The following MTA3 variants were observed in gnomAD, a reference collection of about 807,000 sequenced individuals.
MTA3 encodes the protein metastasis-associated protein MTA3.
Under a neutral mutation model 83.5 loss-of-function variants are expected in MTA3, and 34 were observed. The observed-to-expected ratio is 0.41, with a 90% confidence interval of 0.31 to 0.54. The LOEUF (loss-of-function observed/expected upper bound fraction) is 0.54. Ranked by LOEUF, MTA3 falls within the 20% of genes least tolerant of loss-of-function variation. MTA3 has a pLI of 0.33. For synonymous variants in MTA3, 303 were observed against 252.7 expected (o/e 1.20, Z -1.89); for missense variants, 761 against 726.4 (o/e 1.05, Z -0.55).
intron 8 of MTA3, among the ~76,000 whole-genome samples, chr2:42,676,813 T>A (rs1188796581): frequency 6.6e-6 from 1 of 152,210 alleles, no homozygotes; most frequent in East Asian, 1.9e-4. Context: ...TTAGCATTTT[T>A]GAGTATCTTT....
chr2:42,533,609 G>A (rs1450269765), intron 2 of MTA3, among the ~76,000 whole-genome samples: 2 of 148,574 alleles, frequency 1.3e-5, no homozygotes, highest in African/African-American at 2.5e-5. Context: ...CGAGGTGGGC[G>A]GATCACGAGG....
chr2:42,699,985 G>A (rs889235217), intron 11 of MTA3, among the ~76,000 whole-genome samples: 1 of 152,100 alleles, frequency 6.6e-6, no homozygotes, highest in African/African-American at 2.4e-5. Context: ...TAAAATGATA[G>A]CTAGGCGAGT....
In MTA3 at chr2:42,753,705, G is replaced by A. The variant is rs771840155; in HGVS notation, c.*306G>A. ...CACCTCCTCCCTTCTGCAGCGCCCTGCGCCCCACCCAGCAACAGCGGCCAC... is the reference window on the plus strand; with the variant it reads ...CACCTCCTCCCTTCTGCAGCGCCCTACGCCCCACCCAGCAACAGCGGCCAC... On this transcript the variant is annotated 3_prime_UTR_variant, in exon 17 of 17. Transcript: ENST00000405094. 9 of 1,214,710 alleles carry A rather than the reference G, an allele frequency of 7.4e-6. No individual in the cohort carries two copies. The highest frequency in any genetic ancestry group is 9.3e-6 in the Non-Finnish European group (9 of 967,018). The allele number at this position is 1,214,710 out of a possible 1,614,324, so 75.2% of individuals were successfully genotyped here. A position where few individuals can be genotyped will look rare whatever the true frequency, so the allele number is the denominator to read the frequency against.
chr2:42,608,884 G>A (rs1287227546), intron 3 of MTA3, among the ~76,000 whole-genome samples: 8 of 151,322 alleles, frequency 5.3e-5, no homozygotes, highest in Non-Finnish European at 8.8e-5. Flanking sequence ...CTCTATCTCC[G>A]AAAAAAAAGT....
At chr2:42,610,432 G>C (rs1180866522) in intron 4 of MTA3, among the ~76,000 whole-genome samples, 1 of 152,144 alleles carries the variant, frequency 6.6e-6, no homozygotes, top group African/African-American at 2.4e-5. Flanking sequence ...GAAAAAAGGT[G>C]ACTGATTTGG....
chr2:42,568,941 C>A (rs1370467765), intron 1 of MTA3, among the ~76,000 whole-genome samples, 168 bp downstream of exon 1: 3 of 147,960 alleles, frequency 2.0e-5, no homozygotes, highest in Non-Finnish European at 3.0e-5. Context: ...CCCCACCCAT[C>A]CCTTCCCCTC....
At chr2:42,584,557 T>G (rs1680043806) in intron 3 of MTA3, among the ~76,000 whole-genome samples, 1 of 152,132 alleles carries the variant, frequency 6.6e-6, no homozygotes, top group African/African-American at 2.4e-5. Context: ...TTTTTTTTTT[T>G]TGGGATGGAG....
Position 42,631,721 on chromosome 2 carries a change from C to T in MTA3, c.318-8452C>T, listed in dbSNP as rs536254937. Among the ~76,000 whole-genome samples the T allele has an allele frequency of 1.6e-4, 24 of 152,126 alleles. No homozygotes were observed. The South Asian group carries it at 1.7e-3, about 11-fold the overall frequency. On this transcript the variant is annotated intron_variant, in intron 4 of 16. Coordinates refer to ENST00000405094, the MANE Select transcript of MTA3 (RefSeq NM_001330442.2). Reference sequence around the variant, plus strand: ...TTATTATTTTTTGAGACGGAGTCTCCCTTAGTGACCCAGGCTGGAGTGCAG... The same window carrying T: ...TTATTATTTTTTGAGACGGAGTCTCTCTTAGTGACCCAGGCTGGAGTGCAG...
Position 42,597,599 on chromosome 2 carries a change from T to G in MTA3, c.191-11859T>G, listed in dbSNP as rs574695556. ...TGGGGTTTCACCATGTTGGCCAGGCTGGTCTCAAACTCCTGACCTTGTGAT... is the reference window on the plus strand; with the variant it reads ...TGGGGTTTCACCATGTTGGCCAGGCGGGTCTCAAACTCCTGACCTTGTGAT... On this transcript the variant is annotated intron_variant, in intron 3 of 16. Coordinates refer to ENST00000405094, the MANE Select transcript of MTA3 (RefSeq NM_001330442.2). Among the ~76,000 whole-genome samples the G allele has an allele frequency of 4.6e-5, 7 of 151,876 alleles. No homozygotes were observed. In the East Asian group the frequency reaches 1.4e-3, roughly 29 times the overall value.
chr2:42,565,968 C>T (rs1677892864), upstream of MTA3, among the ~76,000 whole-genome samples: 1 of 152,132 alleles, frequency 6.6e-6, no homozygotes, highest in Non-Finnish European at 1.5e-5. Context: ...CGAATCGTGC[C>T]ATTGCACTCC....
intron 2 of MTA3, among the ~76,000 whole-genome samples, chr2:42,561,629 G>A (rs565330605): frequency 1.3e-5 from 2 of 152,122 alleles, no homozygotes; most frequent in South Asian, 4.2e-4. Flanking sequence ...GGCCCCAGGT[G>A]TCCTTTTCTC....
At chr2:42,550,384 G>T (rs931838049) in intron 2 of MTA3, among the ~76,000 whole-genome samples, 1 of 152,144 alleles carries the variant, frequency 6.6e-6, no homozygotes, top group Non-Finnish European at 1.5e-5. Flanking sequence ...TCCACTGGGG[G>T]TCTTGGAAAG....
intron 2 of MTA3, among the ~76,000 whole-genome samples, chr2:42,520,824 C>G (rs1010460963): frequency 1.3e-5 from 2 of 152,134 alleles, no homozygotes; most frequent in Admixed American, 6.6e-5. Context: ...CCTTGTCTTC[C>G]CAAAGTGCTG....
intron 16 of MTA3, among the ~76,000 whole-genome samples, chr2:42,726,477 G>A (rs1667827464): frequency 6.6e-6 from 1 of 151,854 alleles, no homozygotes; most frequent in African/African-American, 2.4e-5. Flanking sequence ...TTAGCATTAG[G>A]TATACCTCCT....
At chr2:42,612,071 T>C (rs1051056506) in intron 4 of MTA3, among the ~76,000 whole-genome samples, 2 of 152,190 alleles carry the variant, frequency 1.3e-5, no homozygotes, top group Non-Finnish European at 1.5e-5. Flanking sequence ...CCGGGTAATA[T>C]GGGAATAGTC....
intron 8 of MTA3, among the ~76,000 whole-genome samples, chr2:42,678,749 C>G (rs1233391102): frequency 2.6e-5 from 4 of 152,258 alleles, no homozygotes; most frequent in African/African-American, 9.6e-5. Context: ...AATCTATACC[C>G]TTATCATTAT....
intron 12 of MTA3, among the ~76,000 whole-genome samples, chr2:42,707,221 G>A (rs937404082): frequency 6.6e-6 from 1 of 151,928 alleles, no homozygotes; most frequent in Non-Finnish European, 1.5e-5. Context: ...CTGAACCCTG[G>A]GTTTGGAAAC....
At chr2:42,695,197 G>A (rs954374361) in intron 9 of MTA3, among the ~76,000 whole-genome samples, 1 of 152,096 alleles carries the variant, frequency 6.6e-6, no homozygotes, top group African/African-American at 2.4e-5. Flanking sequence ...TAAACGGAAT[G>A]AGAAATGGAA....
At chr2:42,692,692 G>T (rs753121255) in intron 9 of MTA3, among the ~76,000 whole-genome samples, 1 of 152,174 alleles carries the variant, frequency 6.6e-6, no homozygotes, top group East Asian at 1.9e-4. Context: ...CTCCCAAAGC[G>T]CTGGGATTAC....
Sources: allele counts gnomAD v4.1 joint callset (sites outside exome capture counted in the v4.1 genomes callset), GRCh38; gene constraint gnomAD v4.1.1; transcripts MANE v1.5; gene names NCBI Gene and HGNC (gene_info 2026-07-23, HGNC 2026-07-21).